SHPRH: variants seen among roughly 807,000 people sequenced by gnomAD.
SHPRH encodes SNF2 histone linker PHD RING helicase, also known as E3 ubiquitin-protein ligase SHPRH.
A neutral mutation model predicts 202.5 loss-of-function variants in SHPRH; 106 were observed. That is an observed-to-expected ratio of 0.52 (90% CI 0.45 to 0.62). The LOEUF is 0.62. SHPRH is among the 20% of genes least tolerant of loss of function. The pLI, the probability that SHPRH is intolerant of heterozygous loss-of-function variation, is 0.00. For missense variants in SHPRH, 1,710 were observed against 2,020.0 expected (o/e 0.85, Z 2.94); for synonymous variants, 729 against 686.0 (o/e 1.06, Z -0.98).
intron 16 of SHPRH, among the ~76,000 whole-genome samples, chr6:145,925,984 T>C (rs1784842615): frequency 6.6e-6 from 1 of 151,946 alleles, no homozygotes; most frequent in Non-Finnish European, 1.5e-5. Context: ...ACAACAAGCA[T>C]TTATCACATA....
downstream of SHPRH, among the ~76,000 whole-genome samples, chr6:145,881,855 G>A (rs1780595589): frequency 6.6e-6 from 1 of 152,134 alleles, no homozygotes; most frequent in Non-Finnish European, 1.5e-5. Context: ...TGTAATCCCA[G>A]CACGTTGGGA....
Position 145,941,730 on chromosome 6 carries a change from G to A in SHPRH, c.2383C>T (p.Leu795=). The change falls in exon 10 of 30, where the codon CTA becomes TTA. Residue 795 remains leucine, a synonymous_variant. Transcript: ENST00000275233. ...PHSNSEDGRR[L]RNQKRYMAIP... Reference sequence around the variant, plus strand: ...GCCATATAGCGCTTCTGGTTCCGTAGGCGACGCCCATCCTCACTATTGCTA... The same window carrying A: ...GCCATATAGCGCTTCTGGTTCCGTAAGCGACGCCCATCCTCACTATTGCTA... 3 of 1,613,976 alleles carry A rather than the reference G, an allele frequency of 1.9e-6. No homozygotes were observed. The highest frequency in any genetic ancestry group is 2.2e-5 in the East Asian group (1 of 44,872).
intron 1 of SHPRH, among the ~76,000 whole-genome samples, chr6:145,955,864 A>G (rs993391308): frequency 6.6e-6 from 1 of 152,172 alleles, no homozygotes; most frequent in Non-Finnish European, 1.5e-5. Context: ...TGATATAATT[A>G]GCAGAAACAA....
chr6:145,924,146 T>C (rs1469292069), intron 17 of SHPRH, among the ~76,000 whole-genome samples: 2 of 151,962 alleles, frequency 1.3e-5, no homozygotes, highest in East Asian at 3.9e-4. Flanking sequence ...AAAGAAAGCC[T>C]TCATTCTAAT....
chr6:145,954,577 C>G, intron 2 of SHPRH, 113 bp downstream of exon 2: 1 of 1,128,602 alleles, frequency 8.9e-7, no homozygotes. Flanking sequence ...TACTTTGAAA[C>G]TTAACAATGA....
intron 2 of SHPRH, among the ~76,000 whole-genome samples, chr6:145,878,532 G>A (rs780143769): frequency 1.3e-5 from 2 of 152,096 alleles, no homozygotes; most frequent in Non-Finnish European, 1.5e-5. Context: ...ATCTTTTCAT[G>A]TGCTTATTGG....
chr6:145,868,927 T>C (rs959494502), intron 2 of SHPRH, among the ~76,000 whole-genome samples: 13 of 152,208 alleles, frequency 8.5e-5, no homozygotes, highest in African/African-American at 3.1e-4. Context: ...ATGCCTCTCA[T>C]ATTTATTTCA....
chr6:145,861,451 T>G (rs1374740297), downstream of SHPRH, among the ~76,000 whole-genome samples: 2 of 148,702 alleles, frequency 1.3e-5, no homozygotes, highest in African/African-American at 2.5e-5. Context: ...GGAGAACAAG[T>G]GTTGGTGAGA....
chr6:145,936,834 G>A (rs1396487767), intron 11 of SHPRH, among the ~76,000 whole-genome samples: 1 of 152,090 alleles, frequency 6.6e-6, no homozygotes, highest in African/African-American at 2.4e-5. Flanking sequence ...ATGCATCACT[G>A]CTATGCAAAG....
intron 2 of SHPRH, among the ~76,000 whole-genome samples, chr6:145,872,046 CAAGA>C: frequency 6.6e-6 from 1 of 152,118 alleles, no homozygotes; most frequent in Non-Finnish European, 1.5e-5. Context: ...AAAATCAACT[CAAGA>C]TGGATTAAAG....
intron 2 of SHPRH, among the ~76,000 whole-genome samples, chr6:145,865,950 A>C (rs553270020): frequency 1.3e-5 from 2 of 152,360 alleles, no homozygotes; most frequent in Non-Finnish European, 2.9e-5. Flanking sequence ...GGTGTCAGAA[A>C]GTCTGAGATT....
chr6:145,872,025 C>T lies in SHPRH; in HGVS notation c.222-7534G>A, dbSNP rs145857296. ...GATATTGAAACTGGCACCTTCCTTA[C>T]GCCTTACACAAAAATCAACTCAAGA... is the stretch of plus-strand genomic sequence containing the variant. On this transcript the variant is annotated intron_variant, in intron 2 of 2. Transcript: ENST00000417762. 1.3e-3 allele frequency among the ~76,000 whole-genome samples: 202 copies of T among 152,274 alleles called. 1 individual carries two copies. The highest frequency in any genetic ancestry group is 4.6e-3 in the African/African-American group (190 of 41,542).
At chr6:145,861,057 G>A (rs974068467), downstream of SHPRH, among the ~76,000 whole-genome samples, 2 of 152,072 alleles carry the variant, frequency 1.3e-5, no homozygotes, top group African/African-American at 2.4e-5. Flanking sequence ...AAAGTTTGCA[G>A]ACATTGGACT....
Position 145,926,315 on chromosome 6 carries a change from C to T in SHPRH, c.3202-19G>A, listed in dbSNP as rs1228267210. On this transcript the variant is annotated intron_variant, in intron 15 of 29. Transcript: ENST00000275233. Reference sequence around the variant, plus strand: ...GAAGTCTCTACAAACATATCAAAGGCAGTAATTATGACAGTCAATGCAGAA... The same window carrying T: ...GAAGTCTCTACAAACATATCAAAGGTAGTAATTATGACAGTCAATGCAGAA... 5 of 1,605,478 alleles carry T rather than the reference C, an allele frequency of 3.1e-6. No homozygotes were observed. In the Admixed American group the frequency reaches 8.4e-5, roughly 27 times the overall value.
chr6:145,867,631 TAGAGAG>T (rs748613165), intron 2 of SHPRH, among the ~76,000 whole-genome samples: 947 of 22,102 alleles, frequency 0.043, 24 homozygotes, highest in Middle Eastern at 0.062. Context: ...TATATATATA[TAGAGAG>T]AGAGAGAGAG....
At chr6:145,914,372 C>T (rs1783763913) in intron 23 of SHPRH, among the ~76,000 whole-genome samples, 1 of 152,118 alleles carries the variant, frequency 6.6e-6, no homozygotes, top group Non-Finnish European at 1.5e-5. Flanking sequence ...TATCATAATT[C>T]ACAACAGCTC....
At position 145,934,969 on chromosome 6, in the gene SHPRH, C is replaced by T. The variant is rs1462178901; in HGVS notation, c.2928G>A (p.Arg976=). The T allele has an allele frequency of 6.2e-7, 1 of 1,613,918 alleles. No individual in the cohort carries two copies. Among genetic ancestry groups the T allele is most frequent in the Non-Finnish European group, 8.5e-7 (1 of 1,179,892 alleles). ...GTGGGTGACAGCAGGCCTGTCTGAG[C>T]CTCAGCAATGGATACAGGATAGAGG... is the stretch of plus-strand genomic sequence containing the variant. The part of the protein sequence containing the change: ...TVTSILYPLL[R]LRQACCHPQA... The change falls in exon 13 of 30, where the codon AGG becomes AGA. Residue 976 remains arginine (R), a synonymous_variant. Coordinates refer to ENST00000275233, the MANE Select transcript of SHPRH (RefSeq NM_001042683.3).
intron 15 of SHPRH, 118 bp downstream of exon 15, chr6:145,927,071 C>T: frequency 2.3e-6 from 2 of 863,126 alleles, no homozygotes; most frequent in Middle Eastern, 2.9e-4. Flanking sequence ...GACTGAATCC[C>T]AAGTTTCACC....
chr6:145,928,546 A>G (rs1253250218), intron 14 of SHPRH, among the ~76,000 whole-genome samples: 2 of 151,928 alleles, frequency 1.3e-5, no homozygotes, highest in Non-Finnish European at 2.9e-5. Flanking sequence ...ATATATATAT[A>G]TGCAAACCTT....
Sources: gnomAD v4.1 joint callset for allele counts (sites outside exome capture counted in the v4.1 genomes callset) on GRCh38, gnomAD v4.1.1 for gene constraint, MANE v1.5 for transcripts, NCBI Gene and HGNC (gene_info 2026-07-23, HGNC 2026-07-21) for gene names.